The following OPCML variants were observed in gnomAD, a reference collection of about 807,000 sequenced individuals.
OPCML encodes the protein opioid-binding protein/cell adhesion molecule.
Under a neutral mutation model 37.8 loss-of-function variants are expected in OPCML, and 13 were observed. That is an observed-to-expected ratio of 0.34 (90% CI 0.22 to 0.55). The LOEUF (loss-of-function observed/expected upper bound fraction) is 0.55, where lower values mean the gene tolerates loss of function less well. Among genes scored for constraint, OPCML ranks in the 20% least tolerant of loss-of-function variants. The pLI is 0.91. For missense variants in OPCML, 341 were observed against 435.6 expected, an observed-to-expected ratio of 0.78 and a Z score of 1.93; for synonymous variants, 176 against 168.8, an observed-to-expected ratio of 1.04 and a Z score of -0.33.
At chr11:133,217,018 C>T (rs1439291844) in intron 1 of OPCML, among the ~76,000 whole-genome samples, 1 of 152,120 alleles carries the variant, frequency 6.6e-6, no homozygotes, top group Non-Finnish European at 1.5e-5. Flanking sequence ...TGTGGCTTGG[C>T]TTGGTTTAAC....
chr11:132,488,442 C>T (rs1266447325), intron 4 of OPCML, among the ~76,000 whole-genome samples: 4 of 152,082 alleles, frequency 2.6e-5, no homozygotes, highest in Admixed American at 2.0e-4. Context: ...GCCTATTGCT[C>T]CTAGGGTACA....
At chr11:133,056,182 T>C (rs1473908223) in intron 1 of OPCML, among the ~76,000 whole-genome samples, 7 of 152,244 alleles carry the variant, frequency 4.6e-5, no homozygotes, top group East Asian at 3.8e-4. Flanking sequence ...TTATAAATGA[T>C]TGTTATTCTA....
intron 1 of OPCML, among the ~76,000 whole-genome samples, chr11:132,969,714 T>C (rs1345448836): frequency 6.6e-6 from 1 of 152,194 alleles, no homozygotes. Context: ...TCATAATTTT[T>C]TTAAACTTAG....
intron 1 of OPCML, among the ~76,000 whole-genome samples, chr11:133,528,500 G>A (rs1948534892): frequency 6.6e-6 from 1 of 152,210 alleles, no homozygotes; most frequent in African/African-American, 2.4e-5. Context: ...CTGGTGAGAG[G>A]CTAAGGAGCA....
At chr11:132,910,264 G>A (rs890464637) in intron 2 of OPCML, among the ~76,000 whole-genome samples, 4 of 152,202 alleles carry the variant, frequency 2.6e-5, no homozygotes, top group Non-Finnish European at 4.4e-5. Flanking sequence ...GGGGGTAGGG[G>A]GCCTCAGCAC....
intron 1 of OPCML, among the ~76,000 whole-genome samples, chr11:133,231,449 G>A (rs1454454492): frequency 6.6e-6 from 1 of 152,194 alleles, no homozygotes; most frequent in African/African-American, 2.4e-5. Context: ...GGTGTTTTAA[G>A]ATTCCTAGGT....
intron 2 of OPCML, among the ~76,000 whole-genome samples, chr11:132,838,388 T>C (rs890653278): frequency 1.3e-5 from 2 of 152,090 alleles, no homozygotes; most frequent in Non-Finnish European, 2.9e-5. Flanking sequence ...CTAAGCTACA[T>C]AGGGTAGTTA....
At chr11:133,316,016 G>A (rs1457091987) in intron 1 of OPCML, among the ~76,000 whole-genome samples, 1 of 152,126 alleles carries the variant, frequency 6.6e-6, no homozygotes, top group Non-Finnish European at 1.5e-5. Context: ...AGACAAATGA[G>A]CAAAGTCATC....
chr11:132,535,543 T>C (rs2096338430), intron 3 of OPCML, among the ~76,000 whole-genome samples: 1 of 151,912 alleles, frequency 6.6e-6, no homozygotes, highest in East Asian at 1.9e-4. Flanking sequence ...ATGTGATGGG[T>C]GTTTGGGGCT....
intron 1 of OPCML, among the ~76,000 whole-genome samples, chr11:133,346,725 C>G (rs2136682297): frequency 6.6e-6 from 1 of 152,296 alleles, no homozygotes; most frequent in African/African-American, 2.4e-5. Context: ...AACCTGGGTT[C>G]CAAGCCTCGT....
At chr11:132,821,121 A>C (rs927823324) in intron 2 of OPCML, among the ~76,000 whole-genome samples, 2 of 152,172 alleles carry the variant, frequency 1.3e-5, no homozygotes, top group African/African-American at 4.8e-5. Context: ...CTAGCATGCA[A>C]ATGTATGTGT....
intron 1 of OPCML, among the ~76,000 whole-genome samples, chr11:133,330,258 C>T (rs957853418): frequency 2.0e-5 from 3 of 152,160 alleles, no homozygotes; most frequent in Non-Finnish European, 2.9e-5. Flanking sequence ...CTAGTTCAAC[C>T]AATGTGGAAG....
At chr11:132,760,882 T>G (rs982991986) in intron 2 of OPCML, among the ~76,000 whole-genome samples, 2 of 152,210 alleles carry the variant, frequency 1.3e-5, no homozygotes, top group Non-Finnish European at 1.5e-5. Context: ...TGATGCAGTT[T>G]CTTTACAGTG....
At chr11:132,765,693 G>A (rs1219768660) in intron 2 of OPCML, among the ~76,000 whole-genome samples, 1 of 152,180 alleles carries the variant, frequency 6.6e-6, no homozygotes, top group African/African-American at 2.4e-5. Flanking sequence ...GGTGATGGCA[G>A]GAAGGTAAAA....
rs541779255 is a variant in OPCML, at chr11:133,370,389, T to G, written c.61+161875A>C. 4.1e-5 allele frequency among the ~76,000 whole-genome samples: 6 copies of G among 147,876 alleles called. 2 individuals carry two copies. In the South Asian group the frequency reaches 1.3e-3, roughly 31 times the overall value. On this transcript the variant is annotated intron_variant, in intron 1 of 7. Transcript: ENST00000524381. ...TTCAGTAAAGTTGCAGTCTGTAAAA[T>G]CAATATACAAAAATCAGCAGCATTT...
At chr11:133,027,492 G>T (rs73033021) in intron 1 of OPCML, among the ~76,000 whole-genome samples, 38 of 125,452 alleles carry the variant, frequency 3.0e-4, no homozygotes, top group East Asian at 9.6e-4. Flanking sequence ...TGTGTGTGTT[G>T]TGTGTGTGTG....
intron 2 of OPCML, among the ~76,000 whole-genome samples, chr11:132,660,649 G>A (rs952542479): frequency 1.3e-5 from 2 of 152,080 alleles, no homozygotes; most frequent in Non-Finnish European, 2.9e-5. Flanking sequence ...CCCTCTGTTA[G>A]GACATGTCTC....
At chr11:132,656,340 T>G (rs1941707469) in intron 3 of OPCML, among the ~76,000 whole-genome samples, 1 of 152,208 alleles carries the variant, frequency 6.6e-6, no homozygotes, top group Non-Finnish European at 1.5e-5. Context: ...TGACATTTCT[T>G]CAGCCCCATT....
At chr11:132,859,995 T>C (rs907971716) in intron 2 of OPCML, 8 of 152,148 alleles carry the variant, frequency 5.3e-5, no homozygotes, top group Non-Finnish European at 1.2e-4. Flanking sequence ...GCATGCACAA[T>C]ATTACCATAC....
Sources: gnomAD v4.1 joint callset for allele counts (sites outside exome capture counted in the v4.1 genomes callset) on GRCh38, gnomAD v4.1.1 for gene constraint, MANE v1.5 for transcripts, NCBI Gene and HGNC (gene_info 2026-07-23, HGNC 2026-07-21) for gene names.